The following NFIA variants were observed in gnomAD, a reference collection of about 807,000 sequenced individuals.
NFIA encodes the protein nuclear factor 1 A-type.
Under a neutral mutation model 62.8 loss-of-function variants are expected in NFIA, and 8 were observed. The observed-to-expected ratio is 0.13, with a 90% CI of 0.07 to 0.23. The LOEUF is 0.23. NFIA is among the 10% of genes least tolerant of loss of function. The pLI is 1.00. For synonymous variants in NFIA, 235 were observed against 238.1 expected (o/e 0.99, Z 0.12); for missense variants, 410 against 642.1 (o/e 0.64, Z 3.91).
chr1:61,405,586 G>C (rs573761285), intron 8 of NFIA, among the ~76,000 whole-genome samples: 151 of 152,218 alleles, frequency 9.9e-4, no homozygotes, highest in African/African-American at 3.5e-3. Flanking sequence ...TTGAATAGAG[G>C]CCTCTTGGGA....
At chr1:61,216,957 G>C (rs928592778) in intron 2 of NFIA, among the ~76,000 whole-genome samples, 1 of 151,514 alleles carries the variant, frequency 6.6e-6, no homozygotes, top group East Asian at 2.0e-4. Flanking sequence ...CCAAGATCAC[G>C]CCATTGCACT....
chr1:61,389,504 C>T (rs778443213), intron 7 of NFIA, among the ~76,000 whole-genome samples: 22 of 152,058 alleles, frequency 1.4e-4, no homozygotes, highest in Non-Finnish European at 2.9e-5. Context: ...CAACATATTC[C>T]CCATTATTTT....
chr1:61,211,090 CTT>C (rs1653222914), intron 2 of NFIA, among the ~76,000 whole-genome samples: 1 of 152,176 alleles, frequency 6.6e-6, no homozygotes, highest in Admixed American at 6.5e-5. Context: ...TTATGGGTAT[CTT>C]AGTATAACCT....
At chr1:61,360,978 A>G (rs1663258084) in intron 6 of NFIA, among the ~76,000 whole-genome samples, 1 of 136,614 alleles carries the variant, frequency 7.3e-6, no homozygotes, top group South Asian at 2.6e-4. Flanking sequence ...ATGAAGCACT[A>G]TGCCAGGTTC....
intron 2 of NFIA, among the ~76,000 whole-genome samples, chr1:61,153,496 C>T (rs1191781056): frequency 1.3e-5 from 2 of 152,194 alleles, no homozygotes; most frequent in Admixed American, 6.5e-5. Context: ...GTTCCAGACA[C>T]ACTGCATTGG....
chr1:61,461,079 C>T lies in NFIA; in HGVS notation c.*5759C>T, dbSNP rs1432190169. Reference sequence around the variant, plus strand: ...TTTGATTTCAGAAATCAGTACCTGGCGAGATTTTTGTCTCAAAACGACTAT... The same window carrying T: ...TTTGATTTCAGAAATCAGTACCTGGTGAGATTTTTGTCTCAAAACGACTAT... On this transcript the variant is annotated 3_prime_UTR_variant, in exon 11 of 11. Transcript: ENST00000403491. The T allele has an allele frequency of 6.6e-6, 1 of 151,974 alleles. No homozygotes were observed. The highest frequency in any genetic ancestry group is 2.4e-5 in the African/African-American group (1 of 41,350). The allele number at this position is 151,974 out of a possible 1,614,324, so 9.4% of individuals were successfully genotyped here. A position where few individuals can be genotyped will look rare whatever the true frequency, so the allele number is the denominator to read the frequency against.
At chr1:61,382,485 T>C (rs962771472) in intron 6 of NFIA, among the ~76,000 whole-genome samples, 1 of 152,216 alleles carries the variant, frequency 6.6e-6, no homozygotes, top group African/African-American at 2.4e-5. Context: ...GAGAGAGAAC[T>C]ACCATTATAG....
intron 2 of NFIA, among the ~76,000 whole-genome samples, chr1:61,242,598 G>A (rs772047861): frequency 1.4e-4 from 22 of 152,118 alleles, no homozygotes; most frequent in South Asian, 2.1e-4. Flanking sequence ...AAATTTTTCT[G>A]TGTGATCCTT....
intron 2 of NFIA, among the ~76,000 whole-genome samples, chr1:61,122,039 A>G (rs1646896045): frequency 6.6e-6 from 1 of 152,222 alleles, no homozygotes; most frequent in Non-Finnish European, 1.5e-5. Flanking sequence ...CATAGGTTTC[A>G]TTTAACGCAC....
intron 2 of NFIA, among the ~76,000 whole-genome samples, chr1:61,218,252 G>A (rs1653772190): frequency 6.6e-6 from 1 of 152,222 alleles, no homozygotes; most frequent in Non-Finnish European, 1.5e-5. Flanking sequence ...ACAATTGTAA[G>A]AGATGTTTGA....
intron 4 of NFIA, among the ~76,000 whole-genome samples, chr1:61,335,336 G>T (rs1254961991): frequency 1.3e-5 from 2 of 152,112 alleles, no homozygotes; most frequent in Non-Finnish European, 2.9e-5. Context: ...CCTGGGTAAG[G>T]ATCCCCAGCT....
chr1:61,084,373 T>G (rs1646181084), intron 1 of NFIA, among the ~76,000 whole-genome samples: 1 of 152,200 alleles, frequency 6.6e-6, no homozygotes, highest in Non-Finnish European at 1.5e-5. Context: ...TGTTTGGGAT[T>G]TAGGCCTAGC....
intron 2 of NFIA, among the ~76,000 whole-genome samples, chr1:61,252,776 A>G (rs549083237): frequency 6.6e-6 from 1 of 152,318 alleles, no homozygotes; most frequent in Non-Finnish European, 1.5e-5. Flanking sequence ...CAAAGTTAAA[A>G]TGTTTAAGGT....
chr1:61,236,359 T>C (rs1321921726), intron 2 of NFIA, among the ~76,000 whole-genome samples: 16 of 152,180 alleles, frequency 1.1e-4, no homozygotes. Flanking sequence ...GCACAAGCTA[T>C]CTTTGAACAA....
At chr1:61,269,132 C>G (rs72929875) in intron 2 of NFIA, among the ~76,000 whole-genome samples, 2,149 of 151,086 alleles carry the variant, frequency 0.014, 50 homozygotes, top group African/African-American at 0.049. Flanking sequence ...TTGATTCCTT[C>G]GGTAAGATTT....
chr1:61,168,762 A>G lies in NFIA; in HGVS notation c.559+80082A>G, dbSNP rs548085685. On this transcript the variant is annotated intron_variant, in intron 2 of 10. Transcript: ENST00000403491. ...GAAAAATTAAGCCCTGGCTATAGCA[A>G]TCTTGGTGTTGTCTACAAACCCACA... 3.3e-5 allele frequency among the ~76,000 whole-genome samples: 5 copies of G among 152,310 alleles called. No individual in the cohort carries two copies. In the South Asian group the frequency reaches 1.0e-3, roughly 32 times the overall value.
At chr1:61,407,725 C>T (rs12082135) in intron 9 of NFIA, among the ~76,000 whole-genome samples, 6,367 of 152,092 alleles carry the variant, frequency 0.042, 417 homozygotes, top group African/African-American at 0.15. Flanking sequence ...GAGACTGAGG[C>T]AAGGAATCTA....
intron 5 of NFIA, among the ~76,000 whole-genome samples, chr1:61,354,609 T>G (rs1662730078): frequency 6.6e-6 from 1 of 152,070 alleles, no homozygotes; most frequent in South Asian, 2.1e-4. Flanking sequence ...AATAGAGGAG[T>G]CTCCATTCAC....
Position 61,399,211 on chromosome 1 carries a change from C to T in NFIA, c.1076-4893C>T, listed in dbSNP as rs115775909. On this transcript the variant is annotated intron_variant, in intron 7 of 10. Transcript: ENST00000403491. ...TTTGGAATCTCACCTGTTGCCACTG[C>T]CTTTGTATTCATTAACACTAAGACT... 3.4e-3 allele frequency among the ~76,000 whole-genome samples: 525 copies of T among 152,290 alleles called. 1 individual carries two copies. The highest frequency in any genetic ancestry group is 0.012 in the African/African-American group (511 of 41,552).
Sources: gnomAD v4.1 joint callset for allele counts (sites outside exome capture counted in the v4.1 genomes callset) on GRCh38, gnomAD v4.1.1 for gene constraint, MANE v1.5 for transcripts, NCBI Gene and HGNC (gene_info 2026-07-23, HGNC 2026-07-21) for gene names.